The following COL4A4 variants were observed in gnomAD, a reference collection of about 807,000 sequenced individuals.
COL4A4 encodes the protein collagen type IV alpha 4 chain, also known as collagen alpha-4(IV) chain.
In COL4A4, 105 loss-of-function variants were observed where a neutral mutation model predicts 192.9. The ratio of observed to expected loss-of-function variants is 0.54; its 90% CI spans 0.46 to 0.64. The LOEUF (loss-of-function observed/expected upper bound fraction) is 0.64, where lower values mean the gene tolerates loss of function less well. COL4A4 is among the 30% of genes least tolerant of loss of function. COL4A4 has a pLI of 0.00. For missense variants in COL4A4, 1,967 were observed against 2,169.3 expected (o/e 0.91, Z 1.85); for synonymous variants, 762 against 769.9 (o/e 0.99, Z 0.17).
chr2:227,012,642 A>AAAAAC (rs1964013776), intron 44 of COL4A4, among the ~76,000 whole-genome samples: 1 of 151,878 alleles, frequency 6.6e-6, no homozygotes, highest in African/African-American at 2.4e-5. Context: ...CAAAAAAAAA[A>AAAAAC]AAAAAAACTA....
intron 8 of COL4A4, among the ~76,000 whole-genome samples, chr2:227,113,555 G>A (rs1017911411): frequency 1.3e-5 from 2 of 151,908 alleles, no homozygotes; most frequent in East Asian, 1.9e-4. Flanking sequence ...CACAAATAAC[G>A]AACATGAGGC....
intron 22 of COL4A4, among the ~76,000 whole-genome samples, chr2:227,085,430 G>A (rs983277460): frequency 1.3e-5 from 2 of 152,178 alleles, no homozygotes; most frequent in African/African-American, 4.8e-5. Context: ...CAGCAGGTCA[G>A]AAATAGCCCA....
At chr2:227,074,837 T>A (rs2058930485) in intron 25 of COL4A4, among the ~76,000 whole-genome samples, 1 of 151,822 alleles carries the variant, frequency 6.6e-6, no homozygotes, top group South Asian at 2.1e-4. Context: ...CACTTACGAG[T>A]GGGAGGTAAG....
chr2:227,149,373 T>C lies in COL4A4; in HGVS notation c.-101-1789A>G, dbSNP rs1039794445. ...ACTCAGGGGTGCCTAAGGGAGAGAATTCAGTCATAGGTCCCTAGTTTCTGT... is the reference window on the plus strand; with the variant it reads ...ACTCAGGGGTGCCTAAGGGAGAGAACTCAGTCATAGGTCCCTAGTTTCTGT... On this transcript the variant is annotated intron_variant, in intron 1 of 47. Coordinates refer to ENST00000396625, the MANE Select transcript of COL4A4 (RefSeq NM_000092.5). Among the ~76,000 whole-genome samples the C allele has an allele frequency of 3.7e-4, 57 of 152,152 alleles. 2 individuals carry two copies. The highest frequency in any genetic ancestry group is 2.0e-4 in the Admixed American group (3 of 15,268).
chr2:227,135,954 A>T (rs1170275780), intron 4 of COL4A4, among the ~76,000 whole-genome samples: 1 of 151,978 alleles, frequency 6.6e-6, no homozygotes, highest in East Asian at 1.9e-4. Context: ...CCTGAATTTT[A>T]GTTTCTTAAT....
chr2:226,985,450 G>T, the COL4A4 span, among the ~76,000 whole-genome samples: 3 of 152,214 alleles, frequency 2.0e-5, no homozygotes, highest in Non-Finnish European at 4.4e-5. Flanking sequence ...CTTACGATGC[G>T]GAATGCTTTG....
At chr2:227,032,838 A>G (rs1968726817) in intron 38 of COL4A4, among the ~76,000 whole-genome samples, 1 of 152,238 alleles carries the variant, frequency 6.6e-6, no homozygotes. Context: ...TCAAATTTGC[A>G]TGTTAGGTTT....
At chr2:227,118,486 C>A (rs2061605605) in intron 7 of COL4A4, among the ~76,000 whole-genome samples, 159 bp downstream of exon 7, 1 of 152,176 alleles carries the variant, frequency 6.6e-6, no homozygotes, top group Admixed American at 6.6e-5. Flanking sequence ...TGTTCTAAGT[C>A]CTGCCTATCT....
chr2:227,023,868 C>T (rs528570995), intron 43 of COL4A4, among the ~76,000 whole-genome samples: 1 of 151,942 alleles, frequency 6.6e-6, no homozygotes, highest in South Asian at 2.1e-4. Context: ...AAAAATTAGC[C>T]GGGTGTGGTG....
chr2:226,975,313 A>G, the COL4A4 span, among the ~76,000 whole-genome samples: 298 of 152,276 alleles, frequency 2.0e-3, 2 homozygotes, highest in African/African-American at 6.7e-3. Flanking sequence ...CTATAAATAC[A>G]TATATAAAAT....
intron 24 of COL4A4, among the ~76,000 whole-genome samples, chr2:227,078,515 G>A (rs1040319781): frequency 5.3e-5 from 8 of 152,242 alleles, no homozygotes; most frequent in South Asian, 2.1e-4. Flanking sequence ...GATTACAGGC[G>A]TCAGCCACCG....
Position 227,050,171 on chromosome 2 carries a change from A to C in COL4A4, c.3151-40T>G, listed in dbSNP as rs929717912. Reference sequence around the variant, plus strand: ...AAACAAAAGGCCTTAATCAGATTTCAAATACAAATGGCACATGCACAACAC... The same window carrying C: ...AAACAAAAGGCCTTAATCAGATTTCCAATACAAATGGCACATGCACAACAC... On this transcript the variant is annotated intron_variant, in intron 33 of 47. Coordinates refer to ENST00000396625, the MANE Select transcript of COL4A4 (RefSeq NM_000092.5). The C allele has an allele frequency of 3.8e-6, 6 of 1,559,680 alleles. No individual in the cohort carries two copies. In the African/African-American group the frequency reaches 4.1e-5, roughly 11 times the overall value.
intron 43 of COL4A4, among the ~76,000 whole-genome samples, chr2:227,023,698 T>C (rs1416641503): frequency 6.6e-6 from 1 of 152,094 alleles, no homozygotes; most frequent in African/African-American, 2.4e-5. Flanking sequence ...GTGCTACTGT[T>C]ATGAGAAGGG....
intron 44 of COL4A4, 77 bp downstream of exon 44, chr2:227,021,971 C>G: frequency 6.5e-7 from 1 of 1,535,604 alleles, no homozygotes; most frequent in African/African-American, 1.4e-5. Context: ...ATATAAAAAG[C>G]TACAAAATAA....
At chr2:227,051,512 T>C (rs957296146) in intron 32 of COL4A4, among the ~76,000 whole-genome samples, 14 of 152,190 alleles carry the variant, frequency 9.2e-5, no homozygotes, top group Admixed American at 2.6e-4. Context: ...AGTCTGACCT[T>C]GGAGGAGCAC....
At chr2:227,075,571 A>G (rs1048850814) in intron 25 of COL4A4, among the ~76,000 whole-genome samples, 4 of 152,178 alleles carry the variant, frequency 2.6e-5, no homozygotes, top group African/African-American at 4.8e-5. Flanking sequence ...CCCTTTGAAA[A>G]CCAGCACAAG....
At chr2:227,154,415 G>C (rs1168203924) in intron 1 of COL4A4, among the ~76,000 whole-genome samples, 7 of 152,332 alleles carry the variant, frequency 4.6e-5, no homozygotes, top group East Asian at 3.9e-4. Context: ...AAATGTCTAA[G>C]ATTGGGGGAC....
At chr2:227,118,302 T>C (rs1019200281) in intron 7 of COL4A4, among the ~76,000 whole-genome samples, 3 of 152,242 alleles carry the variant, frequency 2.0e-5, no homozygotes, top group Non-Finnish European at 4.4e-5. Flanking sequence ...TACATTTTGC[T>C]ACCTGGTCTC....
chr2:227,080,121 A>G (rs1047755353), intron 24 of COL4A4, among the ~76,000 whole-genome samples: 4 of 152,186 alleles, frequency 2.6e-5, no homozygotes, highest in African/African-American at 9.7e-5. Flanking sequence ...CACAGAGTCA[A>G]CTGAATACAC....
Sources: gnomAD v4.1 joint callset for allele counts (sites outside exome capture counted in the v4.1 genomes callset) on GRCh38, gnomAD v4.1.1 for gene constraint, MANE v1.5 for transcripts, NCBI Gene and HGNC (gene_info 2026-07-23, HGNC 2026-07-21) for gene names.